The following SPPL3 variants were observed in gnomAD, a reference collection of about 807,000 sequenced individuals.
SPPL3 encodes the protein signal peptide peptidase-like 3.
Under a neutral mutation model 42.4 loss-of-function variants are expected in SPPL3, and 5 were observed. That is an observed-to-expected ratio of 0.12 (90% confidence interval 0.06 to 0.25). SPPL3 has a LOEUF of 0.25. Among genes scored for constraint, SPPL3 ranks in the 10% least tolerant of loss-of-function variants. The pLI, the probability that SPPL3 is intolerant of heterozygous loss-of-function variation, is 1.00. For synonymous variants in SPPL3, 195 were observed against 181.8 expected, an observed-to-expected ratio of 1.07 and a Z score of -0.58; for missense variants, 235 against 489.0, an observed-to-expected ratio of 0.48 and a Z score of 4.90.
rs1868728680 is a variant in SPPL3 at position 120,763,073 on chromosome 12, A to T, written c.*1926T>A. On this transcript the variant is annotated 3_prime_UTR_variant, in exon 11 of 11. Transcript: ENST00000353487. The stretch of plus-strand genomic sequence containing the variant: ...AGTTTTGAGTTCTGTGGACAGCAGA[A>T]GCTTCAGTTCTTTGATGTATCTATG... 1 of 152,236 alleles carries T rather than the reference A, an allele frequency of 6.6e-6. No homozygotes were observed. Among genetic ancestry groups the T allele is most frequent in the Non-Finnish European group, 1.5e-5 (1 of 68,076 alleles). 9.4% of individuals were successfully genotyped at this position (152,236 alleles called of 1,614,324 possible). A position where few individuals can be genotyped will look rare whatever the true frequency, so the allele number is the denominator to read the frequency against.
At position 120,762,555 on chromosome 12, in the gene SPPL3, CAG is replaced by C. The variant is rs1001688824; in HGVS notation, c.*2442_*2443del. 4 of 150,624 alleles carry C rather than the reference CAG, an allele frequency of 2.7e-5. No homozygotes were observed. Among genetic ancestry groups the C allele is most frequent in the Non-Finnish European group, 5.9e-5 (4 of 67,798 alleles). The allele number at this position is 150,624 out of a possible 1,614,324, so 9.3% of individuals were successfully genotyped here. A position where few individuals can be genotyped will look rare whatever the true frequency, so the allele number is the denominator to read the frequency against. On this transcript the variant is annotated 3_prime_UTR_variant, in exon 11 of 11. Coordinates refer to ENST00000353487, the MANE Select transcript of SPPL3 (RefSeq NM_139015.5). ...TTTAATTTTCTTATGAAAACAAAGA[CAG>C]AAAAATTAAAATGACCCACTGCCAG...
At chr12:120,782,845 G>A (rs1021582914) in intron 5 of SPPL3, 78 bp from the exon 6 acceptor site, 3 of 1,062,362 alleles carry the variant, frequency 2.8e-6, no homozygotes, top group African/African-American at 3.2e-5. Flanking sequence ...ATTTCGTGAT[G>A]GCTGGATTAG....
At chr12:120,853,875 G>T (rs1042347308) in intron 1 of SPPL3, among the ~76,000 whole-genome samples, 1 of 151,818 alleles carries the variant, frequency 6.6e-6, no homozygotes, top group Non-Finnish European at 1.5e-5. Context: ...AATATATTAT[G>T]AAAGCAAGTG....
At chr12:120,849,759 C>T (rs1872163438) in intron 1 of SPPL3, among the ~76,000 whole-genome samples, 1 of 152,176 alleles carries the variant, frequency 6.6e-6, no homozygotes. Flanking sequence ...CTCCTAAAAA[C>T]CACTCTGGGT....
chr12:120,827,901 C>A (rs968619685), intron 1 of SPPL3, among the ~76,000 whole-genome samples: 1 of 152,108 alleles, frequency 6.6e-6, no homozygotes, highest in African/African-American at 2.4e-5. Flanking sequence ...GATTCTCCTG[C>A]CTCAGCCTCC....
At chr12:120,872,174 T>C (rs1872954224) in intron 1 of SPPL3, among the ~76,000 whole-genome samples, 1 of 152,226 alleles carries the variant, frequency 6.6e-6, no homozygotes. Context: ...TTCTGATCCA[T>C]GGTTGGTTGA....
chr12:120,765,474 G>A (rs1868852780), intron 10 of SPPL3, among the ~76,000 whole-genome samples: 1 of 150,124 alleles, frequency 6.7e-6, no homozygotes, highest in Non-Finnish European at 1.5e-5. Context: ...TTTTAGTAGA[G>A]ACAGGGTTTC....
chr12:120,836,468 T>C (rs1302940944), intron 1 of SPPL3, among the ~76,000 whole-genome samples: 2 of 152,106 alleles, frequency 1.3e-5, no homozygotes, highest in Non-Finnish European at 2.9e-5. Flanking sequence ...ACCAAGGCTC[T>C]ATGCATGTGA....
chr12:120,875,239 C>T (rs1463507951), intron 1 of SPPL3, among the ~76,000 whole-genome samples: 1 of 151,754 alleles, frequency 6.6e-6, no homozygotes, highest in Non-Finnish European at 1.5e-5. Flanking sequence ...CCTTTTATGC[C>T]ATGAAAATAA....
chr12:120,899,904 A>AAG (rs1393967450), intron 1 of SPPL3, among the ~76,000 whole-genome samples: 1 of 151,392 alleles, frequency 6.6e-6, no homozygotes, highest in East Asian at 1.9e-4. Flanking sequence ...AAAAAAAAAA[A>AAG]AAAAAAGATC....
At chr12:120,898,292 C>T (rs2137072220) in intron 1 of SPPL3, among the ~76,000 whole-genome samples, 1 of 108,870 alleles carries the variant, frequency 9.2e-6, no homozygotes, top group Admixed American at 1.3e-4. Flanking sequence ...CAGAGCAAGA[C>T]TCTGTTTTTT....
At chr12:120,850,996 C>G (rs942346065) in intron 1 of SPPL3, among the ~76,000 whole-genome samples, 103 of 152,032 alleles carry the variant, frequency 6.8e-4, no homozygotes, top group African/African-American at 2.5e-3. Flanking sequence ...TCTGCAAAGT[C>G]TCCTTTCCTA....
At chr12:120,888,037 G>A (rs1043171777) in intron 1 of SPPL3, among the ~76,000 whole-genome samples, 2 of 152,148 alleles carry the variant, frequency 1.3e-5, no homozygotes, top group Non-Finnish European at 2.9e-5. Flanking sequence ...ACATACATCT[G>A]CACAAAAACT....
At chr12:120,826,866 T>C (rs1470472290) in intron 1 of SPPL3, among the ~76,000 whole-genome samples, 1 of 152,038 alleles carries the variant, frequency 6.6e-6, no homozygotes, top group East Asian at 1.9e-4. Flanking sequence ...AACAATGAGA[T>C]GCCCTGGGTG....
chr12:120,789,824 C>CAAA (rs3050392), intron 3 of SPPL3, among the ~76,000 whole-genome samples: 1,598 of 30,442 alleles, frequency 0.052, 389 homozygotes, highest in African/African-American at 0.13. Context: ...GACTCCGTCT[C>CAAA]AAAAAAAAAA....
chr12:120,876,925 G>A (rs1052608492), intron 1 of SPPL3, among the ~76,000 whole-genome samples: 1 of 151,268 alleles, frequency 6.6e-6, no homozygotes, highest in African/African-American at 2.4e-5. Flanking sequence ...AAAAAGCAAT[G>A]AAACTAAAAG....
chr12:120,829,591 G>A (rs1193165333), intron 1 of SPPL3, among the ~76,000 whole-genome samples: 1 of 151,556 alleles, frequency 6.6e-6, no homozygotes, highest in Non-Finnish European at 1.5e-5. Context: ...GGGAGACTCT[G>A]CCTCAAAAAA....
chr12:120,901,395 A>T (rs1395406308), intron 1 of SPPL3, among the ~76,000 whole-genome samples: 1 of 151,938 alleles, frequency 6.6e-6, no homozygotes, highest in Non-Finnish European at 1.5e-5. Flanking sequence ...GTTTGAGACC[A>T]GCCTGGCCAA....
chr12:120,802,335 ATATGTATG>A (rs201825056), intron 2 of SPPL3, among the ~76,000 whole-genome samples: 14 of 147,464 alleles, frequency 9.5e-5, no homozygotes, highest in Admixed American at 2.7e-4. Flanking sequence ...CTGCTTTTAT[ATATGTATG>A]TATGTATGTA....
Sources: allele counts gnomAD v4.1 joint callset (sites outside exome capture counted in the v4.1 genomes callset), GRCh38; gene constraint gnomAD v4.1.1; transcripts MANE v1.5; gene names NCBI Gene and HGNC (gene_info 2026-07-23, HGNC 2026-07-21).